The following MYO16 variants were observed in gnomAD, a reference collection of about 807,000 sequenced individuals.
MYO16 encodes the protein myosin XVI, also known as unconventional myosin-XVI.
A neutral mutation model predicts 205.3 loss-of-function variants in MYO16; 94 were observed. The ratio of observed to expected loss-of-function variants is 0.46; its 90% CI spans 0.39 to 0.54. MYO16 has a LOEUF of 0.54. Among genes scored for constraint, MYO16 ranks in the 20% least tolerant of loss-of-function variants. MYO16 has a pLI of 0.00. For synonymous variants in MYO16, 988 were observed against 954.0 expected (o/e 1.04, Z -0.66); for missense variants, 2,315 against 2,387.5 (o/e 0.97, Z 0.63).
chr13:108,594,779 C>T (rs1316269341), upstream of MYO16, among the ~76,000 whole-genome samples: 3 of 152,150 alleles, frequency 2.0e-5, no homozygotes, highest in East Asian at 5.8e-4. Context: ...AGGTCTTGTA[C>T]CATTGCCTGC....
chr13:108,569,475 C>T, the MYO16 span, among the ~76,000 whole-genome samples: 73 of 151,892 alleles, frequency 4.8e-4, no homozygotes, highest in Non-Finnish European at 7.9e-4. Context: ...TATAAAAATA[C>T]AATTGATTTT....
chr13:109,130,794 G>GA (rs1876496712), intron 31 of MYO16, among the ~76,000 whole-genome samples: 5 of 152,206 alleles, frequency 3.3e-5, no homozygotes, highest in Admixed American at 3.3e-4. Flanking sequence ...AACACAATCC[G>GA]AGTATAATCT....
intron 9 of MYO16, among the ~76,000 whole-genome samples, chr13:108,839,788 T>A (rs1043030469): frequency 6.6e-6 from 1 of 152,210 alleles, no homozygotes. Context: ...CATAAAGCTC[T>A]GTGTCTTCCA....
intron 3 of MYO16, among the ~76,000 whole-genome samples, chr13:108,721,436 A>T (rs888624563): frequency 6.6e-6 from 1 of 152,180 alleles, no homozygotes; most frequent in Non-Finnish European, 1.5e-5. Context: ...TGGGGTTCTT[A>T]TGTGGAGTAA....
intron 28 of MYO16, among the ~76,000 whole-genome samples, chr13:109,115,766 A>C (rs955209958): frequency 5.3e-5 from 8 of 152,218 alleles, no homozygotes; most frequent in Non-Finnish European, 1.0e-4. Flanking sequence ...TTCAGAATAT[A>C]TGTGATCTTA....
Position 108,931,281 on chromosome 13 carries a change from A to G in MYO16, c.1925+21131A>G, listed in dbSNP as rs111862506. Among the ~76,000 whole-genome samples the G allele has an allele frequency of 1.4e-3, 220 of 152,256 alleles. 2 individuals are homozygous for G. The highest frequency in any genetic ancestry group is 5.1e-3 in the African/African-American group (210 of 41,550). On this transcript the variant is annotated intron_variant, in intron 16 of 34. Transcript: ENST00000457511. ...CTATTCTCATTCAAGTTAATCCCCT[A>G]CCAGTTCCCAGAAGCCTTCTGCCCT...
chr13:109,173,946 A>ATGC (rs1879040797), intron 33 of MYO16, among the ~76,000 whole-genome samples: 6 of 74,850 alleles, frequency 8.0e-5, no homozygotes. Context: ...CCTTGTTTTG[A>ATGC]TGGGGGGGGG....
chr13:108,669,973 C>A (rs957926536), intron 2 of MYO16, among the ~76,000 whole-genome samples: 15 of 152,092 alleles, frequency 9.9e-5, no homozygotes, highest in South Asian at 4.1e-4. Flanking sequence ...ACCTAATGTA[C>A]ATGGGGCTTA....
intron 33 of MYO16, among the ~76,000 whole-genome samples, chr13:109,177,363 C>T (rs12867141): frequency 0.041 from 6,300 of 152,246 alleles, 167 homozygotes; most frequent in Non-Finnish European, 0.064. Flanking sequence ...CCTTATGCAG[C>T]GGTTGCTCAT....
chr13:108,809,820 C>T (rs983490513), intron 7 of MYO16, among the ~76,000 whole-genome samples: 6 of 152,328 alleles, frequency 3.9e-5, no homozygotes, highest in East Asian at 1.9e-4. Context: ...AAAGGGCCAG[C>T]GCTGGGTACC....
intron 7 of MYO16, among the ~76,000 whole-genome samples, chr13:108,817,587 G>A (rs1470294738): frequency 6.6e-6 from 1 of 152,108 alleles, no homozygotes; most frequent in Non-Finnish European, 1.5e-5. Context: ...GATTACACAG[G>A]TACACACATT....
intron 20 of MYO16, among the ~76,000 whole-genome samples, chr13:108,967,063 C>T (rs1260675323): frequency 6.6e-6 from 1 of 151,882 alleles, no homozygotes; most frequent in Admixed American, 6.6e-5. Flanking sequence ...TATATATACA[C>T]ACAGTAAATA....
At chr13:109,071,095 A>T (rs1218423158) in intron 27 of MYO16, among the ~76,000 whole-genome samples, 2 of 152,198 alleles carry the variant, frequency 1.3e-5, no homozygotes, top group African/African-American at 4.8e-5. Flanking sequence ...TTTTATCAGA[A>T]TCTATTCTGG....
the MYO16 span, among the ~76,000 whole-genome samples, chr13:108,552,492 C>T: frequency 6.6e-6 from 1 of 152,192 alleles, no homozygotes; most frequent in Non-Finnish European, 1.5e-5. Context: ...GTTTACACAT[C>T]ATCCATACTG....
intron 4 of MYO16, among the ~76,000 whole-genome samples, chr13:108,755,215 G>T (rs910784132): frequency 4.6e-5 from 7 of 151,634 alleles, no homozygotes; most frequent in African/African-American, 1.7e-4. Context: ...GGTGTAGCAT[G>T]CAGAACAAGC....
At chr13:108,710,464 A>G (rs189512340) in intron 2 of MYO16, among the ~76,000 whole-genome samples, 9 of 152,368 alleles carry the variant, frequency 5.9e-5, no homozygotes, top group African/African-American at 2.2e-4. Flanking sequence ...CATTCAGAAT[A>G]GATCTTAAAG....
intron 23 of MYO16, chr13:109,028,417 G>T: frequency 3.1e-6 from 1 of 317,764 alleles, no homozygotes; most frequent in Non-Finnish European, 6.3e-6. Flanking sequence ...AGAATATTTG[G>T]GATGCTTTGT....
chr13:108,554,446 A>G, the MYO16 span, among the ~76,000 whole-genome samples: 6 of 152,200 alleles, frequency 3.9e-5, no homozygotes, highest in East Asian at 1.9e-4. Flanking sequence ...TTGCCATCTC[A>G]TTCAAGCACT....
Position 109,069,570 on chromosome 13 carries a change from C to T in MYO16, c.3335+13975C>T, listed in dbSNP as rs114046064. 9.9e-3 allele frequency among the ~76,000 whole-genome samples: 860 copies of T among 86,610 alleles called. 7 individuals are homozygous for T. The highest frequency in any genetic ancestry group is 0.037 in the African/African-American group (812 of 21,658). 56.8% of individuals were successfully genotyped at this position (86,610 alleles called of 152,430 possible). A position where few individuals can be genotyped will look rare whatever the true frequency, so the allele number is the denominator to read the frequency against. On this transcript the variant is annotated intron_variant, in intron 27 of 34. Transcript: ENST00000457511. ...AAAGCAAGCTGGCATCTAGTGTGTG[C>T]TTGCCCCTCAGTTGTAGAGGGGCTC...
Sources: allele counts gnomAD v4.1 joint callset (sites outside exome capture counted in the v4.1 genomes callset), GRCh38; gene constraint gnomAD v4.1.1; transcripts MANE v1.5; gene names NCBI Gene and HGNC (gene_info 2026-07-23, HGNC 2026-07-21).